The following ADAMTS16 variants were observed in gnomAD, a reference collection of about 807,000 sequenced individuals.
ADAMTS16 encodes the protein ADAM metallopeptidase with thrombospondin type 1 motif 16, also known as A disintegrin and metalloproteinase with thrombospondin motifs 16.
Under a neutral mutation model 145.8 loss-of-function variants are expected in ADAMTS16, and 94 were observed. That is an observed-to-expected ratio of 0.64 (90% confidence interval 0.55 to 0.77). The LOEUF is 0.77. Among genes scored for constraint, ADAMTS16 ranks in the 30% least tolerant of loss-of-function variants. The pLI is 0.00. For missense variants in ADAMTS16, 1,585 were observed against 1,591.5 expected (o/e 1.00, Z 0.07); for synonymous variants, 659 against 604.3 (o/e 1.09, Z -1.33).
At chr5:5,221,473 G>A (rs1736604377) in intron 10 of ADAMTS16, among the ~76,000 whole-genome samples, 2 of 152,128 alleles carry the variant, frequency 1.3e-5, no homozygotes, top group African/African-American at 2.4e-5. Context: ...TCACAATGGC[G>A]AGGATCCCAG....
rs560078285 is a variant in ADAMTS16 at position 5,187,244 on chromosome 5, A to T, written c.964-481A>T. 1.9e-4 allele frequency among the ~76,000 whole-genome samples: 29 copies of T among 152,284 alleles called. No homozygotes were observed. The South Asian group carries it at 6.0e-3, about 32-fold the overall frequency. On this transcript the variant is annotated intron_variant, in intron 5 of 22. Transcript: ENST00000274181. ...GCTCCCCACCCCAAATGCCACTGTG[A>T]TCACTCATTTCCATTTCCATGATCC...
rs765976943 is a variant in ADAMTS16, at chr5:5,191,693, C to A, written c.1216C>A (p.Pro406Thr). The change falls in exon 8 of 23, where the codon CCC becomes ACC. Residue 406 changes from proline (P) to threonine (T), a missense_variant. By Grantham distance (38) the Pro-to-Thr change is conservative (BLOSUM62 -1). This residue lies in a region of ADAMTS16 where 298 missense variants were observed against 367.6 expected (regional missense o/e 0.81). Coordinates refer to ENST00000274181, the MANE Select transcript of ADAMTS16 (RefSeq NM_139056.4). ...ATCTTTGTCCTTCACAGGATTTGCA[C>A]CCATAAGTGGAATGTGTAGTAAATA... The part of the protein sequence containing the change: ...NEPCDTLGFA[P>T]ISGMCSKYRS... The A allele has an allele frequency of 1.2e-6, 2 of 1,612,958 alleles. No individual in the cohort carries two copies. The highest frequency in any genetic ancestry group is 2.2e-5 in the East Asian group (1 of 44,850).
At chr5:5,154,818 T>A (rs577076553) in intron 3 of ADAMTS16, among the ~76,000 whole-genome samples, 1 of 152,064 alleles carries the variant, frequency 6.6e-6, no homozygotes, top group African/African-American at 2.4e-5. Flanking sequence ...CAAAGCAGAG[T>A]TTAAAAGGAT....
chr5:5,288,924 T>C (rs888617067), intron 18 of ADAMTS16, among the ~76,000 whole-genome samples: 7 of 152,196 alleles, frequency 4.6e-5, no homozygotes, highest in Non-Finnish European at 1.0e-4. Flanking sequence ...TCGGTGTCTC[T>C]AGCCTCAGCT....
chr5:5,228,035 A>G (rs1736818677), intron 11 of ADAMTS16, among the ~76,000 whole-genome samples: 1 of 152,256 alleles, frequency 6.6e-6, no homozygotes, highest in Admixed American at 6.5e-5. Context: ...AAAAGGAAAT[A>G]CTAATCAATA....
At chr5:5,288,394 C>T (rs571424222) in intron 18 of ADAMTS16, among the ~76,000 whole-genome samples, 35 of 152,128 alleles carry the variant, frequency 2.3e-4, no homozygotes, top group Non-Finnish European at 4.0e-4. Flanking sequence ...TAAAAGGCTC[C>T]GGTGAGAGGC....
intron 3 of ADAMTS16, among the ~76,000 whole-genome samples, chr5:5,175,203 G>T (rs1033894194): frequency 6.6e-6 from 1 of 152,116 alleles, no homozygotes; most frequent in Non-Finnish European, 1.5e-5. Flanking sequence ...AGGCCCCAGG[G>T]CTCTCTACTC....
chr5:5,302,709 T>C (rs147612211), intron 18 of ADAMTS16, among the ~76,000 whole-genome samples: 1 of 152,342 alleles, frequency 6.6e-6, no homozygotes, highest in Non-Finnish European at 1.5e-5. Context: ...AATTATGATA[T>C]TGATGACACA....
At chr5:5,145,292 C>A (rs559517585) in intron 2 of ADAMTS16, among the ~76,000 whole-genome samples, 3 of 152,168 alleles carry the variant, frequency 2.0e-5, no homozygotes, top group Non-Finnish European at 2.9e-5. Flanking sequence ...TTGCAATACT[C>A]AAAGCTCATC....
At chr5:5,228,190 C>T (rs1444007576) in intron 11 of ADAMTS16, among the ~76,000 whole-genome samples, 2 of 152,122 alleles carry the variant, frequency 1.3e-5, no homozygotes, top group Non-Finnish European at 2.9e-5. Context: ...TTAGCTTAAC[C>T]AGAATCCTAA....
chr5:5,207,763 TC>T, intron 9 of ADAMTS16, among the ~76,000 whole-genome samples: 1 of 152,284 alleles, frequency 6.6e-6, no homozygotes, highest in East Asian at 1.9e-4. Context: ...ATGGTTTTTT[TC>T]TTCATCTGTT....
intron 21 of ADAMTS16, 119 bp downstream of exon 21, chr5:5,306,847 A>C: frequency 9.6e-7 from 1 of 1,046,730 alleles, no homozygotes; most frequent in South Asian, 1.7e-5. Flanking sequence ...AAGCTACTGC[A>C]TGAGGTTTTC....
intron 17 of ADAMTS16, among the ~76,000 whole-genome samples, chr5:5,250,303 C>T (rs552984359): frequency 8.5e-5 from 13 of 152,064 alleles, no homozygotes; most frequent in South Asian, 2.1e-4. Flanking sequence ...GGGAGAAATC[C>T]TATAGGGGAA....
chr5:5,231,539 C>T (rs1158444354), intron 11 of ADAMTS16, among the ~76,000 whole-genome samples: 1 of 152,086 alleles, frequency 6.6e-6, no homozygotes, highest in Non-Finnish European at 1.5e-5. Context: ...TCTCACTCCA[C>T]TGGGGCCAGG....
intron 4 of ADAMTS16, among the ~76,000 whole-genome samples, chr5:5,182,521 A>T (rs1375159009): frequency 6.6e-6 from 1 of 152,176 alleles, no homozygotes; most frequent in East Asian, 1.9e-4. Flanking sequence ...ATGGTAAATG[A>T]TGTCTTTTTA....
At chr5:5,165,556 C>T (rs183719117) in intron 3 of ADAMTS16, among the ~76,000 whole-genome samples, 52 of 152,268 alleles carry the variant, frequency 3.4e-4, no homozygotes, top group African/African-American at 1.2e-3. Flanking sequence ...GTGTAACTTT[C>T]CTGGAAGCTG....
intron 18 of ADAMTS16, among the ~76,000 whole-genome samples, chr5:5,273,665 C>T (rs987042766): frequency 6.6e-6 from 1 of 152,196 alleles, no homozygotes; most frequent in East Asian, 1.9e-4. Flanking sequence ...AAAGATGACA[C>T]CTTACTGTGT....
intron 10 of ADAMTS16, among the ~76,000 whole-genome samples, chr5:5,211,640 G>T (rs1340647264): frequency 6.6e-6 from 1 of 151,880 alleles, no homozygotes; most frequent in African/African-American, 2.4e-5. Context: ...TTGAATCATT[G>T]ACTTTAAACC....
rs758293376 is a variant in ADAMTS16, at chr5:5,303,345, G to A, written c.2867G>A (p.Arg956Gln). 14 of 1,604,942 alleles carry A rather than the reference G, an allele frequency of 8.7e-6. No individual in the cohort carries two copies. The highest frequency in any genetic ancestry group is 6.7e-5 in the East Asian group (3 of 44,594). Reference sequence around the variant, plus strand: ...CAGAGCCGCCCCGTGCAGTGCACACGGCGGGTGCACTATGACTCGGAGCCA... The same window carrying A: ...CAGAGCCGCCCCGTGCAGTGCACACAGCGGGTGCACTATGACTCGGAGCCA... ...GAQSRPVQCT[R>Q]RVHYDSEPVP... The change falls in exon 19 of 23, where the codon CGG (arginine) becomes CAG (glutamine). Residue 956 changes from arginine to glutamine, a missense_variant. Around this residue, in one of 3 missense-constraint regions of ADAMTS16, gnomAD observed 834 missense variants for 811.7 expected, o/e 1.03. Transcript: ENST00000274181.
Sources: allele counts gnomAD v4.1 joint callset (sites outside exome capture counted in the v4.1 genomes callset), GRCh38; gene constraint gnomAD v4.1.1; regional missense constraint gnomAD v4.1.1; transcripts MANE v1.5; gene names NCBI Gene and HGNC (gene_info 2026-07-23, HGNC 2026-07-21).